TEX2: variants seen among roughly 807,000 people sequenced by gnomAD.
TEX2 encodes the protein testis expressed 2.
TEX2 carries 53 observed loss-of-function variants against 106.9 expected under a neutral mutation model. The ratio of observed to expected loss-of-function variants is 0.50; its 90% confidence interval spans 0.40 to 0.62. The LOEUF (loss-of-function observed/expected upper bound fraction) is 0.62. Among genes scored for constraint, TEX2 ranks in the 20% least tolerant of loss-of-function variants. The pLI, the probability that TEX2 is intolerant of heterozygous loss-of-function variation, is 0.00. For synonymous variants in TEX2, 523 were observed against 534.8 expected (o/e 0.98, Z 0.30); for missense variants, 1,207 against 1,379.0 (o/e 0.88, Z 1.98).
intron 1 of TEX2, among the ~76,000 whole-genome samples, chr17:64,214,522 C>A (rs2033129231): frequency 6.6e-6 from 1 of 152,186 alleles, no homozygotes; most frequent in African/African-American, 2.4e-5. Context: ...TCCCTTTTAA[C>A]TGGTTAATTT....
At chr17:64,183,547 C>G (rs1297833758) in intron 5 of TEX2, among the ~76,000 whole-genome samples, 2 of 152,322 alleles carry the variant, frequency 1.3e-5, no homozygotes, top group East Asian at 3.9e-4. Flanking sequence ...GTGCCTCAGC[C>G]TCCCCAGTAG....
At chr17:64,180,708 A>G (rs1407791490) in intron 5 of TEX2, among the ~76,000 whole-genome samples, 1 of 152,236 alleles carries the variant, frequency 6.6e-6, no homozygotes, top group Non-Finnish European at 1.5e-5. Context: ...CTTTCCAAAA[A>G]TGGCTTCCAA....
intron 4 of TEX2, 55 bp from the exon 5 acceptor site, chr17:64,188,470 A>T: frequency 6.6e-7 from 1 of 1,509,676 alleles, no homozygotes; most frequent in Non-Finnish European, 8.9e-7. Context: ...ACTGCAAAGT[A>T]AGCGGACTCC....
chr17:64,151,843 G>C (rs1175707045), intron 10 of TEX2, among the ~76,000 whole-genome samples: 1 of 152,054 alleles, frequency 6.6e-6, no homozygotes, highest in East Asian at 1.9e-4. Flanking sequence ...ATTTTTTTAA[G>C]GTTTGAAAGA....
At chr17:64,256,478 C>G (rs1567972619) in intron 1 of TEX2, among the ~76,000 whole-genome samples, 1 of 152,156 alleles carries the variant, frequency 6.6e-6, no homozygotes, top group Non-Finnish European at 1.5e-5. Context: ...CCCCTCTCTG[C>G]CCCTCTGCAC....
intron 10 of TEX2, among the ~76,000 whole-genome samples, chr17:64,152,292 C>T (rs2030395610): frequency 6.6e-6 from 1 of 152,180 alleles, no homozygotes; most frequent in East Asian, 1.9e-4. Context: ...ATTTCAGTGA[C>T]TCTCAACCCT....
At position 64,212,882 on chromosome 17, in the gene TEX2, G is replaced by A. The variant is rs782248936; in HGVS notation, c.1336C>T (p.Pro446Ser). Residue 446 changes from proline (P) to serine (S), a missense_variant, in exon 2 of 12, where the codon CCA becomes TCA. Coordinates refer to ENST00000584379, the MANE Select transcript of TEX2 (RefSeq NM_001288732.2). The part of the protein sequence containing the change: ...VDKLSDIPLK[P>S]EVLAEDGVVL... ...ACACCATCTTCCGCGAGCACCTCTG[G>A]CTTGAGAGGAATATCTGAGAGCTTA... 1 of 1,614,124 alleles carries A rather than the reference G, an allele frequency of 6.2e-7. No individual in the cohort carries two copies. The highest frequency in any genetic ancestry group is 8.5e-7 in the Non-Finnish European group (1 of 1,180,048).
chr17:64,228,194 A>C (rs1160906829), intron 1 of TEX2, among the ~76,000 whole-genome samples: 3 of 152,244 alleles, frequency 2.0e-5, no homozygotes, highest in East Asian at 3.8e-4. Context: ...ATTGAAAAAA[A>C]CTTCAAAAAC....
Position 64,256,505 on chromosome 17 carries a change from C to T in TEX2, c.-26+6663G>A, listed in dbSNP as rs77121585. On this transcript the variant is annotated intron_variant, in intron 1 of 11. Transcript: ENST00000584379. ...CCTCTGCACAGCAGCCAGACATCCA[C>T]GTTGCTCTCTCTCTTGAAATGCTCT... is the stretch of plus-strand genomic sequence containing the variant. 3.2e-3 allele frequency among the ~76,000 whole-genome samples: 490 copies of T among 152,288 alleles called. 5 individuals carry two copies. Among genetic ancestry groups the T allele is most frequent in the African/African-American group, 0.011 (461 of 41,558 alleles).
chr17:64,258,334 T>C (rs557165328), intron 1 of TEX2, among the ~76,000 whole-genome samples: 7 of 152,222 alleles, frequency 4.6e-5, no homozygotes, highest in Admixed American at 2.6e-4. Flanking sequence ...TTCAGCACTA[T>C]CCATGGTTTC....
rs559458461 is a variant in TEX2 at position 64,224,459 on chromosome 17, T to C, written c.-25-10217A>G. Among the ~76,000 whole-genome samples the C allele has an allele frequency of 3.2e-4, 48 of 152,270 alleles. 1 individual carries two copies. The highest frequency in any genetic ancestry group is 1.1e-3 in the African/African-American group (47 of 41,554). On this transcript the variant is annotated intron_variant, in intron 1 of 11. Coordinates refer to ENST00000584379, the MANE Select transcript of TEX2 (RefSeq NM_001288732.2). ...AGCAGCCATTCTAATCTGTTAATAC[T>C]CCACCTCACAAACAAAAATCAATAT...
At chr17:64,158,758 C>G (rs185267592) in intron 8 of TEX2, among the ~76,000 whole-genome samples, 2 of 152,142 alleles carry the variant, frequency 1.3e-5, no homozygotes, top group African/African-American at 2.4e-5. Context: ...ACCCAGTGCT[C>G]TCAGGTTCCC....
At chr17:64,193,518 C>T (rs753821686) in intron 4 of TEX2, 41 bp downstream of exon 4, 11 of 1,392,260 alleles carry the variant, frequency 7.9e-6, no homozygotes, top group Non-Finnish European at 1.0e-5. Context: ...TCCCTAGTGG[C>T]CCTTTAAAAA....
At chr17:64,168,797 C>A (rs1404860537) in intron 7 of TEX2, among the ~76,000 whole-genome samples, 1 of 151,232 alleles carries the variant, frequency 6.6e-6, no homozygotes, top group Non-Finnish European at 1.5e-5. Flanking sequence ...AGGCAAAGAG[C>A]AAAAAGGAAT....
chr17:64,247,406 G>A (rs559556992), intron 1 of TEX2, among the ~76,000 whole-genome samples: 10 of 152,230 alleles, frequency 6.6e-5, no homozygotes, highest in African/African-American at 2.2e-4. Flanking sequence ...AAAACAAATG[G>A]ACTAAGAAAA....
chr17:64,152,975 T>C lies in TEX2; in HGVS notation c.3110A>G (p.Asn1037Ser). 6.2e-7 allele frequency: 1 copy of C among 1,614,210 alleles called. No homozygotes were observed. The highest frequency in any genetic ancestry group is 8.5e-7 in the Non-Finnish European group (1 of 1,180,036). Residue 1037 changes from asparagine to serine, a missense_variant, in exon 10 of 12, where the codon AAC (asparagine) becomes AGC (serine). This residue lies in a region of TEX2 where 63 missense variants were observed against 112.2 expected (regional missense o/e 0.56). Transcript: ENST00000584379. ...VQECRGTLAV[N>S]IPPPPTDRVW... ...TCGGTCAGTCGGGGGTGGTGGAATGTTGACCGCCAAGGTTCCTCTACATTC... is the reference window on the plus strand; with the variant it reads ...TCGGTCAGTCGGGGGTGGTGGAATGCTGACCGCCAAGGTTCCTCTACATTC...
At position 64,212,792 on chromosome 17, in the gene TEX2, A is replaced by G. The variant is rs782240882; in HGVS notation, c.1426T>C (p.Leu476=). Residue 476 remains leucine (L), a synonymous_variant, in exon 2 of 12, where the codon TTG becomes CTG. Transcript: ENST00000584379. ...TAGACACACATTATAAAGAAGCCCA[A>G]CGTCTTCACTGGCAATTCCGGGTGC... ...VQHPELPVKT[L]GFFIMCVYVY... is the part of the protein sequence containing the mutation. 4 of 1,614,028 alleles carry G rather than the reference A, an allele frequency of 2.5e-6. No individual in the cohort carries two copies. The South Asian group carries it at 3.3e-5, about 13-fold the overall frequency.
intron 8 of TEX2, among the ~76,000 whole-genome samples, chr17:64,158,188 A>T (rs1430126480): frequency 6.6e-6 from 1 of 152,256 alleles, no homozygotes; most frequent in Non-Finnish European, 1.5e-5. Context: ...GCAAAGCTAC[A>T]CAGGTTAAAA....
At chr17:64,174,717 A>G (rs184294532) in intron 6 of TEX2, among the ~76,000 whole-genome samples, 1 of 152,356 alleles carries the variant, frequency 6.6e-6, no homozygotes, top group Non-Finnish European at 1.5e-5. Context: ...TAGAAGCTGT[A>G]TGCGATCTCA....
Sources: allele counts gnomAD v4.1 joint callset (sites outside exome capture counted in the v4.1 genomes callset), GRCh38; gene constraint gnomAD v4.1.1; regional missense constraint gnomAD v4.1.1; transcripts MANE v1.5; gene names NCBI Gene and HGNC (gene_info 2026-07-23, HGNC 2026-07-21).